The following EMC2 variants were observed in gnomAD, a reference collection of about 807,000 sequenced individuals.
EMC2 encodes the protein TPR repeat protein 35.
Under a neutral mutation model 51.6 loss-of-function variants are expected in EMC2, and 37 were observed. That is an observed-to-expected ratio of 0.72 (90% CI 0.55 to 0.94). EMC2 has a LOEUF of 0.94. Among genes scored for constraint, EMC2 ranks in the 40% least tolerant of loss-of-function variants. The pLI is 0.00. For missense variants in EMC2, 359 were observed against 350.9 expected (o/e 1.02, Z -0.18); for synonymous variants, 131 against 112.4 (o/e 1.17, Z -1.04).
intron 7 of EMC2, among the ~76,000 whole-genome samples, chr8:108,471,236 A>G (rs1343866870): frequency 6.6e-6 from 1 of 151,984 alleles, no homozygotes; most frequent in African/African-American, 2.4e-5. Context: ...GAAACAGTAT[A>G]TAATACTTAT....
rs1262942736 is a variant in EMC2 at position 108,488,461 on chromosome 8, G to A, written c.*1863G>A. ...AGGCATGAGCCACTGAGCCTGGCCA[G>A]TATCACTTTATTTTTTCAAAATTTT... On this transcript the variant is annotated 3_prime_UTR_variant, in exon 11 of 11. Transcript: ENST00000220853. Among the ~76,000 whole-genome samples, 1 of 152,082 alleles carries A rather than the reference G, an allele frequency of 6.6e-6. No individual in the cohort carries two copies. The highest frequency in any genetic ancestry group is 1.5e-5 in the Non-Finnish European group (1 of 67,994).
In EMC2 at chr8:108,453,079, G is replaced by T. The variant is rs1268906579; in HGVS notation, c.237G>T (p.Leu79=). The T allele has an allele frequency of 1.3e-6, 2 of 1,595,940 alleles. No homozygotes were observed. Among genetic ancestry groups the T allele is most frequent in the Non-Finnish European group, 1.7e-6 (2 of 1,170,850 alleles). The change falls in exon 4 of 11, where the codon CTG becomes CTT. Residue 79 remains leucine, a synonymous_variant. Transcript: ENST00000220853. ...DDLALFCLQE[L]RRQFPGSHRV... is the part of the protein sequence containing the mutation. ...TTTTTCAGTTTTGTCTTCAAGAGCT[G>T]AGAAGACAGTTCCCTGGCAGTCACA... is the stretch of plus-strand genomic sequence containing the variant.
At chr8:108,450,378 GTTTGT>G (rs1563690853) in intron 2 of EMC2, 45 bp from the exon 3 acceptor site, 1 of 1,050,002 alleles carries the variant, frequency 9.5e-7, no homozygotes, top group Non-Finnish European at 1.5e-6. Flanking sequence ...TTCCATTTGG[GTTTGT>G]TTTAATATTA....
intron 10 of EMC2, 71 bp downstream of exon 10, chr8:108,479,181 C>T (rs997161943): frequency 2.1e-5 from 16 of 766,270 alleles, no homozygotes; most frequent in Non-Finnish European, 3.0e-5. Context: ...CTACAAACTA[C>T]AAAGTCGTAT....
At chr8:108,450,281 A>G in intron 2 of EMC2, 147 bp from the exon 3 acceptor site, 2 of 631,852 alleles carry the variant, frequency 3.2e-6, no homozygotes, top group Non-Finnish European at 5.7e-6. Context: ...GTAAGAATGC[A>G]TTCTTAGTTT....
chr8:108,476,821 T>C lies in EMC2; in HGVS notation c.631T>C (p.Ser211Pro). The change falls in exon 9 of 11, where the codon TCA (serine) becomes CCA (proline). Residue 211 changes from serine to proline, a missense_variant. Transcript: ENST00000220853. ...TQGGLENLEL[S>P]RKYFAQALKL... Reference sequence around the variant, plus strand: ...AGGTGGACTTGAAAACCTCGAACTTTCAAGAAAGTATTTTGCACAGGCATT... The same window carrying C: ...AGGTGGACTTGAAAACCTCGAACTTCCAAGAAAGTATTTTGCACAGGCATT... 1.2e-6 allele frequency: 2 copies of C among 1,607,718 alleles called. No individual in the cohort carries two copies. Among genetic ancestry groups the C allele is most frequent in the Non-Finnish European group, 1.7e-6 (2 of 1,174,962 alleles).
At chr8:108,448,442 G>A (rs1818933113) in intron 1 of EMC2, among the ~76,000 whole-genome samples, 2 of 152,190 alleles carry the variant, frequency 1.3e-5, no homozygotes, top group African/African-American at 4.8e-5. Flanking sequence ...GAGACCCACT[G>A]TGAGATGATT....
intron 7 of EMC2, among the ~76,000 whole-genome samples, chr8:108,471,533 GTCCT>G (rs1180216805): frequency 6.6e-6 from 1 of 151,588 alleles, no homozygotes; most frequent in Non-Finnish European, 1.5e-5. Flanking sequence ...TTTGGTTTTT[GTCCT>G]TCCTTATCTT....
chr8:108,454,086 T>C (rs1819096280), intron 4 of EMC2, among the ~76,000 whole-genome samples: 1 of 152,132 alleles, frequency 6.6e-6, no homozygotes, highest in South Asian at 2.1e-4. Context: ...CCTTTGTTTT[T>C]ATTCTGTTGT....
intron 5 of EMC2, among the ~76,000 whole-genome samples, chr8:108,466,660 T>C (rs1304947282): frequency 2.6e-5 from 4 of 152,026 alleles, no homozygotes; most frequent in Non-Finnish European, 5.9e-5. Context: ...TGCTGTGTTG[T>C]CCAGGTTGTT....
At chr8:108,462,708 G>A (rs1819359128) in intron 5 of EMC2, among the ~76,000 whole-genome samples, 1 of 151,152 alleles carries the variant, frequency 6.6e-6, no homozygotes, top group South Asian at 2.1e-4. Context: ...GTTATAATTT[G>A]CATTATGAGT....
intron 5 of EMC2, among the ~76,000 whole-genome samples, chr8:108,456,847 G>T (rs1002983499): frequency 6.6e-6 from 1 of 151,890 alleles, no homozygotes; most frequent in Non-Finnish European, 1.5e-5. Flanking sequence ...TTATTTCCAC[G>T]CACACATATG....
intron 10 of EMC2, among the ~76,000 whole-genome samples, chr8:108,485,478 CAT>C (rs915796506): frequency 1.4e-3 from 193 of 139,836 alleles, no homozygotes; most frequent in Middle Eastern, 3.6e-3. Flanking sequence ...ATATAGGTAA[CAT>C]ATATATATAA....
intron 5 of EMC2, among the ~76,000 whole-genome samples, chr8:108,458,354 G>A (rs2130358418): frequency 6.6e-6 from 1 of 152,306 alleles, no homozygotes; most frequent in Middle Eastern, 3.4e-3. Flanking sequence ...GGACTCTTGT[G>A]TGGGGGCTCT....
At chr8:108,453,737 A>G (rs1273950876) in intron 4 of EMC2, among the ~76,000 whole-genome samples, 2 of 152,064 alleles carry the variant, frequency 1.3e-5, no homozygotes, top group Non-Finnish European at 2.9e-5. Context: ...GTACTTCTAG[A>G]TAATTGATTG....
intron 10 of EMC2, among the ~76,000 whole-genome samples, chr8:108,480,982 T>C (rs1044644200): frequency 3.3e-5 from 5 of 152,170 alleles, no homozygotes; most frequent in African/African-American, 1.2e-4. Flanking sequence ...GAATTCATAA[T>C]TTGTTTGGTT....
chr8:108,476,722 C>A lies in EMC2; in HGVS notation c.592-60C>A, dbSNP rs1810953767. On this transcript the variant is annotated intron_variant, in intron 8 of 10. Transcript: ENST00000220853. ...ACTGAATGCCTATGGTATGATGAAA[C>A]CATGCTATATTTCAAAGTAGTAAAA... The A allele has an allele frequency of 5.9e-5, 45 of 766,990 alleles. No homozygotes were observed. In the East Asian group the frequency reaches 1.1e-3, roughly 19 times the overall value. 47.5% of individuals were successfully genotyped at this position (766,990 alleles called of 1,614,324 possible).
chr8:108,482,419 T>C (rs1811059331), intron 10 of EMC2, among the ~76,000 whole-genome samples: 1 of 152,140 alleles, frequency 6.6e-6, no homozygotes, highest in South Asian at 2.1e-4. Flanking sequence ...TGAAATGAAA[T>C]GTGTTCGAAT....
At chr8:108,464,446 A>G (rs560977706) in intron 5 of EMC2, among the ~76,000 whole-genome samples, 1 of 152,212 alleles carries the variant, frequency 6.6e-6, no homozygotes, top group East Asian at 1.9e-4. Context: ...AGTGCCAGCA[A>G]AGCCTCCTCC....
Sources: gnomAD v4.1 joint callset for allele counts (sites outside exome capture counted in the v4.1 genomes callset) on GRCh38, gnomAD v4.1.1 for gene constraint, MANE v1.5 for transcripts, NCBI Gene and HGNC (gene_info 2026-07-23, HGNC 2026-07-21) for gene names.